The following DISC1 variants were observed in gnomAD, a reference collection of about 807,000 sequenced individuals.
DISC1 encodes the protein disrupted in schizophrenia 1 protein.
In DISC1, 57 loss-of-function variants were observed where a neutral mutation model predicts 84.5. The observed-to-expected ratio is 0.67, with a 90% CI of 0.55 to 0.84. DISC1 has a LOEUF of 0.84. Ranked by LOEUF, DISC1 falls within the 40% of genes least tolerant of loss-of-function variation. The probability of loss-of-function intolerance (pLI) is 0.00; values close to 1 mark genes in which losing one functional copy is unlikely to be tolerated. For missense variants in DISC1, 1,000 were observed against 1,057.8 expected (o/e 0.95, Z 0.76); for synonymous variants, 411 against 415.2 (o/e 0.99, Z 0.12).
At chr1:231,651,300 G>A (rs534654239) in intron 1 of DISC1, among the ~76,000 whole-genome samples, 1 of 152,284 alleles carries the variant, frequency 6.6e-6, no homozygotes, top group African/African-American at 2.4e-5. Context: ...CTGTTTGTTA[G>A]TTTTCCTTCT....
chr1:232,034,234 A>G (rs991185690), intron 12 of DISC1, among the ~76,000 whole-genome samples: 1 of 152,180 alleles, frequency 6.6e-6, no homozygotes, highest in Non-Finnish European at 1.5e-5. Flanking sequence ...GGTATTTGTT[A>G]CATCTGTTAT....
chr1:231,809,612 C>T (rs2080094943), intron 8 of DISC1, among the ~76,000 whole-genome samples: 1 of 149,626 alleles, frequency 6.7e-6, no homozygotes, highest in Non-Finnish European at 1.5e-5. Flanking sequence ...GTATTCATTG[C>T]ACACAATTGT....
chr1:231,727,067 C>G (rs2070820231), intron 3 of DISC1, among the ~76,000 whole-genome samples: 1 of 152,096 alleles, frequency 6.6e-6, no homozygotes, highest in South Asian at 2.1e-4. Context: ...TCTTAAAACA[C>G]CAGCTCATCC....
At chr1:232,029,618 A>G (rs1232602947) in intron 12 of DISC1, among the ~76,000 whole-genome samples, 1 of 152,262 alleles carries the variant, frequency 6.6e-6, no homozygotes, top group Non-Finnish European at 1.5e-5. Context: ...GCATGCTGCC[A>G]GAGCCTACTG....
At chr1:231,934,124 G>A (rs2090836493) in intron 9 of DISC1, among the ~76,000 whole-genome samples, 1 of 152,188 alleles carries the variant, frequency 6.6e-6, no homozygotes, top group East Asian at 1.9e-4. Context: ...AGTGGGAAGA[G>A]GGAGGGAGAA....
rs146946555 is a variant in DISC1, at chr1:232,031,495, AGAAAG to A, written c.2425+4959_2425+4963del. ...AAGGGAGCAAAAGGGAAGGAAAGAAAGAAAGGAAAGGAAAGGAAAGAAAGAAAAGG... is the reference window on the plus strand; with the variant it reads ...AAGGGAGCAAAAGGGAAGGAAAGAAAGAAAGGAAAGGAAAGAAAGAAAAGG... On this transcript the variant is annotated intron_variant, in intron 12 of 12. Coordinates refer to ENST00000439617, the MANE Select transcript of DISC1 (RefSeq NM_018662.3). This position sits in a 1 kb window ranked among gnomAD's most constrained non-coding sequence, Gnocchi z 4.6. Among the ~76,000 whole-genome samples, 14,305 of 151,658 alleles carry A rather than the reference AGAAAG, an allele frequency of 0.094. 813 individuals carry two copies. The highest frequency in any genetic ancestry group is 0.13 in the South Asian group (641 of 4,766).
intron 9 of DISC1, among the ~76,000 whole-genome samples, chr1:231,856,489 A>G (rs566204731): frequency 1.6e-4 from 24 of 152,338 alleles, no homozygotes; most frequent in African/African-American, 5.5e-4. Context: ...AGGTGCTTTC[A>G]GTGACTGCAG....
chr1:231,753,869 A>C (rs2074869632), intron 4 of DISC1, among the ~76,000 whole-genome samples: 2 of 152,192 alleles, frequency 1.3e-5, no homozygotes, highest in African/African-American at 4.8e-5. Context: ...CAGATACCCT[A>C]AATCATTAAT....
chr1:231,846,534 TG>T (rs2083460490), intron 9 of DISC1, among the ~76,000 whole-genome samples: 1 of 152,218 alleles, frequency 6.6e-6, no homozygotes, highest in Non-Finnish European at 1.5e-5. Context: ...CGCATTCTCT[TG>T]CTTCTACAAT....
rs1199276533 is a variant in DISC1, at chr1:231,714,103, G to A, written c.1117+12079G>A. Among the ~76,000 whole-genome samples the A allele has an allele frequency of 2.6e-5, 4 of 151,810 alleles. No individual in the cohort carries two copies. In the East Asian group the frequency reaches 7.7e-4, roughly 29 times the overall value. The stretch of plus-strand genomic sequence containing the variant: ...TCATGTTTTTATCTACCTGGAATGA[G>A]CAATCCCAAATGGAAAATAAGAAAT... On this transcript the variant is annotated intron_variant, in intron 3 of 12. Transcript: ENST00000439617.
chr1:231,883,381 A>G (rs1194450838), intron 9 of DISC1, among the ~76,000 whole-genome samples: 1 of 152,078 alleles, frequency 6.6e-6, no homozygotes, highest in Non-Finnish European at 1.5e-5. Flanking sequence ...GGTAAGTGGT[A>G]GTGGTGTGGA....
At position 231,759,526 on chromosome 1, in the gene DISC1, CAAAAAAAAA is replaced by C. The variant is rs767431903; in HGVS notation, c.1269-7597_1269-7589del. On this transcript the variant is annotated intron_variant, in intron 4 of 12. Transcript: ENST00000439617. ...CAACATAGTGAGACCCCCATCTCTA[CAAAAAAAAA>C]AAAAAAAAAAAAAAAACAAAACTAG... 1.4e-4 allele frequency among the ~76,000 whole-genome samples: 7 copies of C among 48,296 alleles called. No homozygotes were observed. The South Asian group carries it at 4.2e-3, about 29-fold the overall frequency. 31.7% of individuals were successfully genotyped at this position (48,296 alleles called of 152,430 possible).
chr1:231,659,937 A>G (rs1406025746), intron 1 of DISC1, among the ~76,000 whole-genome samples: 1 of 152,222 alleles, frequency 6.6e-6, no homozygotes, highest in Non-Finnish European at 1.5e-5. Flanking sequence ...AATGAGGAGA[A>G]TGTATATTCT....
intron 11 of DISC1, among the ~76,000 whole-genome samples, chr1:232,021,229 A>C (rs563385257): frequency 6.6e-6 from 1 of 152,286 alleles, no homozygotes; most frequent in Non-Finnish European, 1.5e-5. Flanking sequence ...CAAAGGTGGA[A>C]GAAAGTGAGG....
intron 3 of DISC1, chr1:231,702,653 A>C (rs1429046943): frequency 3.1e-6 from 3 of 975,356 alleles, no homozygotes; most frequent in Non-Finnish European, 2.4e-6. Context: ...AAACAAAAAA[A>C]CAAAAAAACC....
At chr1:231,641,717 A>G (rs2059705187) in intron 1 of DISC1, among the ~76,000 whole-genome samples, 1 of 152,214 alleles carries the variant, frequency 6.6e-6, no homozygotes, top group African/African-American at 2.4e-5. Flanking sequence ...CCTGAGCTAG[A>G]CACAAATGTT....
chr1:231,989,611 A>C (rs1418398113), intron 10 of DISC1, among the ~76,000 whole-genome samples: 1 of 152,242 alleles, frequency 6.6e-6, no homozygotes, highest in Non-Finnish European at 1.5e-5. Flanking sequence ...CTGGCTTTTA[A>C]GGGATAAAGC....
chr1:231,896,381 C>G (rs1184585096), intron 9 of DISC1, among the ~76,000 whole-genome samples: 2 of 152,208 alleles, frequency 1.3e-5, no homozygotes, highest in African/African-American at 4.8e-5. Flanking sequence ...GGACAGAACT[C>G]TAGGTATGGC....
At chr1:231,650,759 T>C (rs186628363) in intron 1 of DISC1, among the ~76,000 whole-genome samples, 3 of 152,332 alleles carry the variant, frequency 2.0e-5, no homozygotes, top group African/African-American at 7.2e-5. Flanking sequence ...CTTTATTTGT[T>C]TCTTTTTACT....
Sources: allele counts gnomAD v4.1 joint callset (sites outside exome capture counted in the v4.1 genomes callset), GRCh38; gene constraint gnomAD v4.1.1; non-coding constraint Gnocchi (gnomAD v3.1); transcripts MANE v1.5; gene names NCBI Gene and HGNC (gene_info 2026-07-23, HGNC 2026-07-21).